Variants in PLCXD3 observed in about 807,000 individuals in gnomAD.
PLCXD3 encodes the protein PI-PLC X domain-containing protein 3.
PLCXD3 carries 19 observed loss-of-function variants against 25.5 expected under a neutral mutation model. The ratio of observed to expected loss-of-function variants is 0.75; its 90% CI spans 0.52 to 1.09. PLCXD3 has a LOEUF of 1.09. PLCXD3 is among the 50% of genes least tolerant of loss of function. PLCXD3 has a pLI of 0.00. For missense variants in PLCXD3, 411 were observed against 388.1 expected (o/e 1.06, Z -0.50); for synonymous variants, 174 against 137.6 (o/e 1.26, Z -1.85).
intron 2 of PLCXD3, among the ~76,000 whole-genome samples, chr5:41,315,679 C>T (rs1265145824): frequency 6.6e-6 from 1 of 152,210 alleles, no homozygotes; most frequent in African/African-American, 2.4e-5. Flanking sequence ...TCCTGAATCA[C>T]TGACACCCTC....
intron 1 of PLCXD3, among the ~76,000 whole-genome samples, chr5:41,432,973 T>C (rs746487793): frequency 2.6e-5 from 4 of 152,196 alleles, no homozygotes; most frequent in Non-Finnish European, 5.9e-5. Context: ...CAGTTTCTTA[T>C]GTCACGAAGA....
chr5:41,498,934 G>A (rs1748895043), intron 1 of PLCXD3, among the ~76,000 whole-genome samples: 2 of 151,588 alleles, frequency 1.3e-5, no homozygotes, highest in South Asian at 2.1e-4. Context: ...TGCAGGAGAA[G>A]CATTTGATAA....
intron 1 of PLCXD3, among the ~76,000 whole-genome samples, chr5:41,478,618 G>T (rs1372354000): frequency 1.3e-5 from 2 of 152,144 alleles, no homozygotes; most frequent in Non-Finnish European, 2.9e-5. Flanking sequence ...ATTTACTTCT[G>T]TTTTAAGAAT....
intron 1 of PLCXD3, among the ~76,000 whole-genome samples, chr5:41,432,678 C>A (rs1409988014): frequency 6.6e-6 from 1 of 152,100 alleles, no homozygotes; most frequent in Non-Finnish European, 1.5e-5. Context: ...ACATGCCAAT[C>A]AATGTGTAAG....
At chr5:41,488,263 A>AT (rs1281918851) in intron 1 of PLCXD3, among the ~76,000 whole-genome samples, 2 of 141,268 alleles carry the variant, frequency 1.4e-5, no homozygotes, top group African/African-American at 5.4e-5. Flanking sequence ...TGAACTCATC[A>AT]TTTTTTATGG....
intron 1 of PLCXD3, among the ~76,000 whole-genome samples, chr5:41,394,391 G>GA (rs1745933221): frequency 6.6e-6 from 1 of 152,012 alleles, no homozygotes; most frequent in African/African-American, 2.4e-5. Context: ...AAGACAGAAA[G>GA]AAAAAGGAAA....
chr5:41,504,869 C>T (rs673144), intron 1 of PLCXD3, among the ~76,000 whole-genome samples: 174 of 152,252 alleles, frequency 1.1e-3, no homozygotes, highest in African/African-American at 4.0e-3. Flanking sequence ...TTTGGAAGTT[C>T]GTTAAGGAGG....
At chr5:41,446,544 T>A (rs1747508874) in intron 1 of PLCXD3, among the ~76,000 whole-genome samples, 1 of 152,092 alleles carries the variant, frequency 6.6e-6, no homozygotes, top group African/African-American at 2.4e-5. Flanking sequence ...TTTCTTTTTT[T>A]TTTTTTCATT....
At chr5:41,411,615 T>C (rs971587466) in intron 1 of PLCXD3, among the ~76,000 whole-genome samples, 10 of 152,136 alleles carry the variant, frequency 6.6e-5, no homozygotes, top group Non-Finnish European at 1.3e-4. Flanking sequence ...GTTGAGCCCA[T>C]CATAAGATGA....
At chr5:41,316,781 G>A (rs562938537) in intron 2 of PLCXD3, among the ~76,000 whole-genome samples, 1 of 152,304 alleles carries the variant, frequency 6.6e-6, no homozygotes, top group Non-Finnish European at 1.5e-5. Flanking sequence ...CTTTGGAAAG[G>A]ACAGGGAAGA....
chr5:41,452,983 A>G lies in PLCXD3; in HGVS notation c.103+57441T>C, dbSNP rs917868501. ...GATAAATAACCTAATTAACATATTC[A>G]TATTTCACATATTTGTCATTCATTT... On this transcript the variant is annotated intron_variant, in intron 1 of 2. Transcript: ENST00000377801. Among the ~76,000 whole-genome samples the G allele has an allele frequency of 4.6e-5, 7 of 152,026 alleles. No individual in the cohort carries two copies. In the South Asian group the frequency reaches 1.4e-3, roughly 31 times the overall value.
At chr5:41,445,908 C>T (rs954081006) in intron 1 of PLCXD3, among the ~76,000 whole-genome samples, 1 of 151,812 alleles carries the variant, frequency 6.6e-6, no homozygotes, top group Non-Finnish European at 1.5e-5. Flanking sequence ...AACAACGAGG[C>T]CGGGCGCGGT....
At chr5:41,322,478 C>G (rs1485268781) in intron 2 of PLCXD3, among the ~76,000 whole-genome samples, 1 of 152,182 alleles carries the variant, frequency 6.6e-6, no homozygotes, top group Non-Finnish European at 1.5e-5. Flanking sequence ...ATTAGTACAA[C>G]CACTATGGAG....
intron 2 of PLCXD3, among the ~76,000 whole-genome samples, chr5:41,320,571 A>AAG (rs1743437729): frequency 6.6e-6 from 1 of 152,210 alleles, no homozygotes; most frequent in Non-Finnish European, 1.5e-5. Context: ...ATCTTGGCTC[A>AAG]CTGCAAGCTC....
At chr5:41,430,045 G>T (rs774950881) in intron 1 of PLCXD3, among the ~76,000 whole-genome samples, 2 of 152,232 alleles carry the variant, frequency 1.3e-5, no homozygotes, top group South Asian at 4.1e-4. Flanking sequence ...AAACAAAAGG[G>T]CAAATTGAGT....
intron 2 of PLCXD3, among the ~76,000 whole-genome samples, chr5:41,355,891 A>G (rs1744603565): frequency 6.6e-6 from 1 of 152,144 alleles, no homozygotes; most frequent in Non-Finnish European, 1.5e-5. Flanking sequence ...CCATGAGTAT[A>G]TATTTTTTTC....
chr5:41,448,177 A>G (rs1319188110), intron 1 of PLCXD3, among the ~76,000 whole-genome samples: 1 of 152,200 alleles, frequency 6.6e-6, no homozygotes. Flanking sequence ...TGCATCTGAC[A>G]AGATGCTCTT....
intron 2 of PLCXD3, among the ~76,000 whole-genome samples, chr5:41,370,006 C>T (rs572101337): frequency 6.6e-6 from 1 of 152,256 alleles, no homozygotes; most frequent in South Asian, 2.1e-4. Context: ...GTCTCACTGC[C>T]ACATACCGCT....
intron 1 of PLCXD3, among the ~76,000 whole-genome samples, chr5:41,418,001 T>C (rs563397839): frequency 1.3e-5 from 2 of 152,342 alleles, no homozygotes; most frequent in African/African-American, 4.8e-5. Context: ...TCAAATGTCA[T>C]ATTAAGTTTT....
Sources: gnomAD v4.1 joint callset for allele counts (sites outside exome capture counted in the v4.1 genomes callset) on GRCh38, gnomAD v4.1.1 for gene constraint, MANE v1.5 for transcripts, NCBI Gene and HGNC (gene_info 2026-07-23, HGNC 2026-07-21) for gene names.